VPS50: variants seen among roughly 807,000 people sequenced by gnomAD.
VPS50 encodes the protein VPS50 subunit of EARP/GARPII complex.
VPS50 carries 70 observed loss-of-function variants against 139.7 expected under a neutral mutation model. The observed-to-expected ratio is 0.50, with a 90% CI of 0.41 to 0.61. The LOEUF (loss-of-function observed/expected upper bound fraction) is 0.61. VPS50 is among the 20% of genes least tolerant of loss of function. The pLI is 0.00. For synonymous variants in VPS50, 365 were observed against 376.7 expected (o/e 0.97, Z 0.36); for missense variants, 921 against 1,133.7 (o/e 0.81, Z 2.69).
At position 93,360,123 on chromosome 7, in the gene VPS50, TAAAATTTGCAGTTGATGAAGA is replaced by T. The variant is rs1182363267; in HGVS notation, c.*1688_*1708del. Reference sequence around the variant, plus strand: ...GCACATAAAGAGCTAATCAATCTTTTAAAATTTGCAGTTGATGAAGAGCTGCTTATTTTTCTCTTCTACATG... The same window carrying T: ...GCACATAAAGAGCTAATCAATCTTTTGCTGCTTATTTTTCTCTTCTACATG... On this transcript the variant is annotated 3_prime_UTR_variant, in exon 28 of 28. Transcript: ENST00000305866. 1 of 152,172 alleles carries T rather than the reference TAAAATTTGCAGTTGATGAAGA, an allele frequency of 6.6e-6. No homozygotes were observed. The highest frequency in any genetic ancestry group is 1.5e-5 in the Non-Finnish European group (1 of 68,038). The allele number at this position is 152,172 out of a possible 1,614,324, so 9.4% of individuals were successfully genotyped here. A position where few individuals can be genotyped will look rare whatever the true frequency, so the allele number is the denominator to read the frequency against.
intron 23 of VPS50, 36 bp downstream of exon 23, chr7:93,341,611 A>G (rs1296334914): frequency 1.4e-6 from 2 of 1,479,882 alleles, no homozygotes; most frequent in Middle Eastern, 1.8e-4. Flanking sequence ...GCCATTAAAT[A>G]TTTAAGAAAC....
At position 93,253,160 on chromosome 7, in the gene VPS50, G is replaced by A. The variant is rs946104195; in HGVS notation, c.225+385G>A. Among the ~76,000 whole-genome samples, 3 of 152,220 alleles carry A rather than the reference G, an allele frequency of 2.0e-5. 1 individual carries two copies. Among genetic ancestry groups the A allele is most frequent in the African/African-American group, 2.4e-5 (1 of 41,534 alleles). ...CTTATGCCATAGTGTTTATAATACTGACATTTTAAATTTATAAGAACTTTA... is the reference window on the plus strand; with the variant it reads ...CTTATGCCATAGTGTTTATAATACTAACATTTTAAATTTATAAGAACTTTA... On this transcript the variant is annotated intron_variant, in intron 3 of 27. Transcript: ENST00000305866.
At chr7:93,328,260 C>T (rs1205636355) in intron 21 of VPS50, among the ~76,000 whole-genome samples, 1 of 152,110 alleles carries the variant, frequency 6.6e-6, no homozygotes, top group African/African-American at 2.4e-5. Context: ...CTGTAACTTA[C>T]TTAAAACAGT....
chr7:93,263,770 A>C (rs1795757354), intron 9 of VPS50, among the ~76,000 whole-genome samples: 1 of 152,224 alleles, frequency 6.6e-6, no homozygotes, highest in Non-Finnish European at 1.5e-5. Flanking sequence ...TGAAATGCCA[A>C]GTATAATCGG....
At chr7:93,269,975 G>A (rs766113073) in intron 9 of VPS50, among the ~76,000 whole-genome samples, 1 of 151,978 alleles carries the variant, frequency 6.6e-6, no homozygotes, top group African/African-American at 2.4e-5. Flanking sequence ...TGTGCTAAAC[G>A]TCTTTCACTT....
chr7:93,258,393 G>T lies in VPS50; in HGVS notation c.576+1G>T. ...TGTACGGTTAAGTGAAATGCTGGAG[G>T]TAAGTTAACAAGTTTTGGAAATTTA... On this transcript the variant is annotated splice_donor_variant, in intron 8 of 27. Coordinates refer to ENST00000305866, the MANE Select transcript of VPS50 (RefSeq NM_017667.4). LOFTEE classifies it high-confidence loss of function. 6.2e-7 allele frequency: 1 copy of T among 1,612,388 alleles called. No homozygotes were observed. The highest frequency in any genetic ancestry group is 8.5e-7 in the Non-Finnish European group (1 of 1,178,728).
chr7:93,312,645 C>A (rs746027494), intron 20 of VPS50, among the ~76,000 whole-genome samples: 25 of 151,732 alleles, frequency 1.6e-4, no homozygotes, highest in Admixed American at 7.9e-4. Flanking sequence ...TTCTTCTATT[C>A]TTCTATTTCT....
intron 9 of VPS50, among the ~76,000 whole-genome samples, chr7:93,265,054 A>G (rs1231367803): frequency 1.3e-5 from 2 of 152,244 alleles, no homozygotes; most frequent in African/African-American, 4.8e-5. Flanking sequence ...AGGGTTTTAA[A>G]TAAAAAGCAA....
rs535859003 is a variant in VPS50, at chr7:93,270,934, A to T, written c.660-286A>T. 5.0e-5 allele frequency: 13 copies of T among 259,140 alleles called. No individual in the cohort carries two copies. In the South Asian group the frequency reaches 1.0e-3, roughly 20 times the overall value. 16.1% of individuals were successfully genotyped at this position (259,140 alleles called of 1,614,324 possible). The stretch of plus-strand genomic sequence containing the variant: ...ACACACAAACATTGTTTATATAGAC[A>T]CACTGTTTATGTAAAAGTTACCAAT... On this transcript the variant is annotated intron_variant, in intron 9 of 27. Coordinates refer to ENST00000305866, the MANE Select transcript of VPS50 (RefSeq NM_017667.4).
chr7:93,258,278 T>C lies in VPS50; in HGVS notation c.540+2T>C. The C allele has an allele frequency of 2.6e-6, 4 of 1,550,270 alleles. No homozygotes were observed. Among genetic ancestry groups the C allele is most frequent in the Non-Finnish European group, 3.6e-6 (4 of 1,122,474 alleles). ...TCTCTGAGAACTATAAAAACATTGG[T>C]ATATATGGGTCATTTAAAAAAATTA... On this transcript the variant is annotated splice_donor_variant, in intron 7 of 27. Coordinates refer to ENST00000305866, the MANE Select transcript of VPS50 (RefSeq NM_017667.4). LOFTEE classifies it high-confidence loss of function.
chr7:93,288,092 A>AG (rs957297697), intron 12 of VPS50, among the ~76,000 whole-genome samples: 1 of 152,100 alleles, frequency 6.6e-6, no homozygotes, highest in African/African-American at 2.4e-5. Context: ...GCTTGTGCAG[A>AG]GGAACTCTCA....
intron 2 of VPS50, among the ~76,000 whole-genome samples, chr7:93,249,048 G>T (rs1471125156): frequency 6.6e-6 from 1 of 151,860 alleles, no homozygotes. Flanking sequence ...CTTAGTCCAG[G>T]TTTCTTACAC....
At chr7:93,357,878 G>C (rs1303533023) in intron 27 of VPS50, among the ~76,000 whole-genome samples, 3 of 151,862 alleles carry the variant, frequency 2.0e-5, no homozygotes, top group Non-Finnish European at 4.4e-5. Context: ...TTGTTCTTCT[G>C]TTGTTGGAGA....
intron 12 of VPS50, among the ~76,000 whole-genome samples, chr7:93,290,619 G>A (rs116708049): frequency 0.015 from 2,304 of 151,894 alleles, 70 homozygotes; most frequent in African/African-American, 0.053. Flanking sequence ...TATTAATAGA[G>A]CAAATTATAT....
Position 93,236,672 on chromosome 7 carries a change from G to A in VPS50, c.34-3194G>A, listed in dbSNP as rs563678197. Among the ~76,000 whole-genome samples the A allele has an allele frequency of 2.0e-5, 3 of 152,102 alleles. No individual in the cohort carries two copies. The East Asian group carries it at 5.8e-4, about 29-fold the overall frequency. ...GTTAAAACCATGACTTCATGCTTTA[G>A]AGAGATGAAGATAAAATAAGAATGA... On this transcript the variant is annotated intron_variant, in intron 1 of 27. Transcript: ENST00000305866.
chr7:93,299,544 C>T (rs1040260608), intron 16 of VPS50, among the ~76,000 whole-genome samples: 1 of 151,998 alleles, frequency 6.6e-6, no homozygotes, highest in Admixed American at 6.6e-5. Context: ...AATTCTTGAA[C>T]CAAATTATTC....
At chr7:93,247,468 C>T (rs1299490601) in intron 2 of VPS50, among the ~76,000 whole-genome samples, 2 of 151,842 alleles carry the variant, frequency 1.3e-5, no homozygotes, top group African/African-American at 2.4e-5. Flanking sequence ...TTTTGCTTTG[C>T]TTTATATTTG....
intron 3 of VPS50, 150 bp downstream of exon 3, chr7:93,252,925 A>G (rs1316836079): frequency 1.7e-6 from 1 of 585,176 alleles, no homozygotes; most frequent in East Asian, 3.0e-5. Context: ...AACTGTCAGC[A>G]TTGTTTGGCG....
chr7:93,292,996 A>G lies in VPS50; in HGVS notation c.1075+1161A>G, dbSNP rs189283777. Among the ~76,000 whole-genome samples the G allele has an allele frequency of 2.3e-3, 349 of 152,226 alleles. 1 individual carries two copies. Among genetic ancestry groups the G allele is most frequent in the African/African-American group, 7.9e-3 (327 of 41,550 alleles). On this transcript the variant is annotated intron_variant, in intron 13 of 27. Coordinates refer to ENST00000305866, the MANE Select transcript of VPS50 (RefSeq NM_017667.4). ...GGCCTGGCTTCAAGTTTTCACTTCT[A>G]TTTACCAAAGGTGAGAACTTGAAGA...
Sources: allele counts gnomAD v4.1 joint callset (sites outside exome capture counted in the v4.1 genomes callset), GRCh38; gene constraint gnomAD v4.1.1; transcripts MANE v1.5; gene names NCBI Gene and HGNC (gene_info 2026-07-23, HGNC 2026-07-21).